The following ASPG variants were observed in gnomAD, a reference collection of about 807,000 sequenced individuals.
ASPG encodes 60 kDa lysophospholipase.
In ASPG, 53 loss-of-function variants were observed where a neutral mutation model predicts 63.2. That is an observed-to-expected ratio of 0.84 (90% CI 0.67 to 1.05). The LOEUF is 1.05. Among genes scored for constraint, ASPG ranks in the 50% least tolerant of loss-of-function variants. The pLI is 0.00. For missense variants in ASPG, 741 were observed against 794.4 expected (o/e 0.93, Z 0.81); for synonymous variants, 370 against 355.0 (o/e 1.04, Z -0.48).
At chr14:104,103,765 C>A in intron 7 of ASPG, 90 bp downstream of exon 7, 1 of 1,153,946 alleles carries the variant, frequency 8.7e-7, no homozygotes, top group Non-Finnish European at 1.2e-6. Flanking sequence ...GGGGCCCTCA[C>A]CAGCCAGTGC....
intron 5 of ASPG, among the ~76,000 whole-genome samples, 180 bp from the exon 6 acceptor site, chr14:104,098,673 A>G (rs1257832257): frequency 6.6e-6 from 1 of 151,996 alleles, no homozygotes; most frequent in Non-Finnish European, 1.5e-5. Context: ...GCAGGGCAGG[A>G]AAGGGCCCGA....
intron 3 of ASPG, among the ~76,000 whole-genome samples, chr14:104,094,860 C>T (rs1263174149): frequency 6.6e-6 from 1 of 152,230 alleles, no homozygotes; most frequent in African/African-American, 2.4e-5. Flanking sequence ...GGCCTCCGCT[C>T]CTCTGCAGTT....
At chr14:104,086,069 G>A (rs962615197) in intron 1 of ASPG, among the ~76,000 whole-genome samples, 1 of 152,086 alleles carries the variant, frequency 6.6e-6, no homozygotes, top group African/African-American at 2.4e-5. Context: ...TCGCCGTCGC[G>A]GTGCTCCCGG....
In ASPG at chr14:104,098,882, T is replaced by G; in HGVS notation, c.543T>G (p.Phe181Leu). The G allele has an allele frequency of 1.2e-6, 2 of 1,613,024 alleles. No individual in the cohort carries two copies. The highest frequency in any genetic ancestry group is 1.7e-6 in the Non-Finnish European group (2 of 1,179,770). The change falls in exon 6 of 16, where the codon TTT (phenylalanine) becomes TTG (leucine). Residue 181 changes from phenylalanine to leucine, a missense_variant. Transcript: ENST00000551177. ...GCCTTTTCTTCCAGAATCAGCTGTT[T>G]CGGGGCAACCGGGCAACCAAGGTAG... ...EVCLFFQNQL[F>L]RGNRATKVDA...
At position 104,112,520 on chromosome 14, in the gene ASPG, T is replaced by C; in HGVS notation, c.1702-4T>C. The C allele has an allele frequency of 6.8e-7, 1 of 1,474,670 alleles. No individual in the cohort carries two copies. Among genetic ancestry groups the C allele is most frequent in the African/African-American group, 1.4e-5 (1 of 72,154 alleles). The allele number at this position is 1,474,670 out of a possible 1,614,324, so 91.3% of individuals were successfully genotyped here. On this transcript the variant is annotated splice_polypyrimidine_tract_variant and splice_region_variant and intron_variant, in intron 15 of 15. Coordinates refer to ENST00000551177, the MANE Select transcript of ASPG (RefSeq NM_001080464.3). ...GTCCTTCTCAGGAGCCCTCATGTTT[T>C]CAGGAAGTGCTGCCTGGTGTCTAAC...
In ASPG at chr14:104,109,035, A is replaced by T; in HGVS notation, c.1434-194A>T. 1.0e-6 allele frequency: 1 copy of T among 985,190 alleles called. No individual in the cohort carries two copies. Among genetic ancestry groups the T allele is most frequent in the Non-Finnish European group, 1.2e-6 (1 of 829,858 alleles). 61.0% of individuals were successfully genotyped at this position (985,190 alleles called of 1,614,324 possible). ...GTACTGGACAAATGGAGGTGGTGGG[A>T]TCCCGGGATGATGTCACATGGGCCT... On this transcript the variant is annotated intron_variant, in intron 12 of 15. Coordinates refer to ENST00000551177, the MANE Select transcript of ASPG (RefSeq NM_001080464.3). This position sits in a 1 kb window ranked among gnomAD's most constrained non-coding sequence, Gnocchi z 4.8.
chr14:104,085,878 A>T, intron 1 of ASPG, 26 bp downstream of exon 1: 1 of 1,567,672 alleles, frequency 6.4e-7, no homozygotes, highest in Non-Finnish European at 8.6e-7. Flanking sequence ...TGGGCGGGGT[A>T]GGCCTCTGGA....
rs748461343 is a variant in ASPG at position 104,107,239 on chromosome 14, C to G, written c.1327C>G (p.Arg443Gly). ...NGQTPLHAAA[R>G]GGHTEAVTML... ...CCAAACCCCACTGCACGCGGCCGCC[C>G]GGGGAGGCCACACAGAGGCAGTCAC... Residue 443 changes from arginine to glycine, a missense_variant, in exon 12 of 16, where the codon CGG becomes GGG. Coordinates refer to ENST00000551177, the MANE Select transcript of ASPG (RefSeq NM_001080464.3). 2 of 1,606,824 alleles carry G rather than the reference C, an allele frequency of 1.2e-6. No individual in the cohort carries two copies. Among genetic ancestry groups the G allele is most frequent in the South Asian group, 2.2e-5 (2 of 90,462 alleles).
chr14:104,110,264 G>A lies in ASPG; in HGVS notation c.1520+949G>A. On this transcript the variant is annotated intron_variant, in intron 13 of 15. Coordinates refer to ENST00000551177, the MANE Select transcript of ASPG (RefSeq NM_001080464.3). The surrounding 1 kb of genome is among the most constrained non-coding windows in gnomAD (Gnocchi z 4.7). ...GTGATGGCGGGGGCTCGGCTCACTG[G>A]CTGGGAGGGGGTGGGTGCAGGCGCC... 2.0e-6 allele frequency: 2 copies of A among 985,030 alleles called. No individual in the cohort carries two copies. Among genetic ancestry groups the A allele is most frequent in the Non-Finnish European group, 2.4e-6 (2 of 829,730 alleles). 61.0% of individuals were successfully genotyped at this position (985,030 alleles called of 1,614,324 possible). A position where few individuals can be genotyped will look rare whatever the true frequency, so the allele number is the denominator to read the frequency against.
intron 1 of ASPG, 49 bp downstream of exon 1, chr14:104,085,901 C>T: frequency 6.6e-7 from 1 of 1,512,910 alleles, no homozygotes; most frequent in Non-Finnish European, 8.8e-7. Context: ...TGGCCGCGAC[C>T]GGGAGCCTCG....
rs1027372789 is a variant in ASPG, at chr14:104,092,677, C to T, written c.127C>T (p.Pro43Ser). Residue 43 changes from proline to serine, a missense_variant, in exon 2 of 16, where the codon CCC becomes TCC. By Grantham distance (74) the Pro-to-Ser change is moderately conservative (BLOSUM62 -1). Transcript: ENST00000551177. ...TGLAAILRTL[P>S]MFHDEEHARA... ...CCTGGCTGCCATCCTGAGGACACTG[C>T]CCATGTTCCATGACGAGGAGCACGC... The T allele has an allele frequency of 3.3e-6, 5 of 1,537,914 alleles. No homozygotes were observed. The Admixed American group carries it at 7.8e-5, about 24-fold the overall frequency.
chr14:104,088,617 C>T (rs1050577858), intron 1 of ASPG, among the ~76,000 whole-genome samples: 5 of 152,326 alleles, frequency 3.3e-5, no homozygotes, highest in African/African-American at 9.6e-5. Context: ...GCTCCCTGCC[C>T]GGTGACCACA....
At position 104,112,612 on chromosome 14, in the gene ASPG, A is replaced by G. The variant is rs748930337; in HGVS notation, c.*68A>G. 5.7e-6 allele frequency: 9 copies of G among 1,586,526 alleles called. No individual in the cohort carries two copies. In the Admixed American group the frequency reaches 7.1e-5, roughly 12 times the overall value. Reference sequence around the variant, plus strand: ...ATGACCTGCTGGAGGGGTCTCAGGCATGACCCCACTGCTGGGGCTGCTTCC... The same window carrying G: ...ATGACCTGCTGGAGGGGTCTCAGGCGTGACCCCACTGCTGGGGCTGCTTCC... On this transcript the variant is annotated 3_prime_UTR_variant, in exon 16 of 16. Coordinates refer to ENST00000551177, the MANE Select transcript of ASPG (RefSeq NM_001080464.3).
chr14:104,100,407 G>A (rs759083842), intron 6 of ASPG, among the ~76,000 whole-genome samples: 1 of 152,158 alleles, frequency 6.6e-6, no homozygotes, highest in Non-Finnish European at 1.5e-5. Context: ...TGACTTGCTT[G>A]TTGCCCCAGG....
Position 104,106,813 on chromosome 14 carries a change from G to T in ASPG, c.1188G>T (p.Leu396=). The T allele has an allele frequency of 6.3e-7, 1 of 1,598,986 alleles. No individual in the cohort carries two copies. Among genetic ancestry groups the T allele is most frequent in the Non-Finnish European group, 8.5e-7 (1 of 1,174,330 alleles). The part of the protein sequence containing the change: ...SLSGSQEADA[L]RNALVPSLAC... The stretch of plus-strand genomic sequence containing the variant: ...TCCCCACCTAGGAGGCAGATGCCCT[G>T]CGGAATGCCCTGGTGCCCAGCCTGG... Residue 396 remains leucine, a synonymous_variant, in exon 11 of 16, where the codon CTG becomes CTT. Transcript: ENST00000551177.
Position 104,095,568 on chromosome 14 carries a change from A to G in ASPG, c.341A>G (p.His114Arg). 7 of 1,613,150 alleles carry G rather than the reference A, an allele frequency of 4.3e-6. No homozygotes were observed. The highest frequency in any genetic ancestry group is 5.9e-6 in the Non-Finnish European group (7 of 1,179,820). ...YEQYHGFVVI[H>R]GTDTMAFAAS... ...CAGTACCACGGCTTTGTGGTCATCCACGGCACCGACACCATGGCCTTTGCT... is the reference window on the plus strand; with the variant it reads ...CAGTACCACGGCTTTGTGGTCATCCGCGGCACCGACACCATGGCCTTTGCT... The change falls in exon 4 of 16, where the codon CAC becomes CGC. Residue 114 changes from histidine (H) to arginine (R), a missense_variant. Physicochemically the swap from His to Arg is conservative, Grantham distance 29. Coordinates refer to ENST00000551177, the MANE Select transcript of ASPG (RefSeq NM_001080464.3).
Position 104,095,579 on chromosome 14 carries a change from A to G in ASPG, c.352A>G (p.Thr118Ala). 1 of 1,613,226 alleles carries G rather than the reference A, an allele frequency of 6.2e-7. No individual in the cohort carries two copies. The change falls in exon 4 of 16, where the codon ACC (threonine) becomes GCC (alanine). Residue 118 changes from threonine to alanine, a missense_variant. Thr to Ala is a moderately conservative substitution (Grantham distance 58). Coordinates refer to ENST00000551177, the MANE Select transcript of ASPG (RefSeq NM_001080464.3). The part of the protein sequence containing the change: ...HGFVVIHGTD[T>A]MAFAASMLSF... ...CTTTGTGGTCATCCACGGCACCGAC[A>G]CCATGGCCTTTGCTGCCTCGATGCT...
chr14:104,097,409 G>A (rs1055889811), intron 4 of ASPG, 145 bp from the exon 5 acceptor site: 6 of 721,462 alleles, frequency 8.3e-6, no homozygotes, highest in Non-Finnish European at 1.3e-5. Context: ...GCTGCCTGCT[G>A]CAGTCCAAGC....
chr14:104,104,115 G>T (rs374650626), intron 7 of ASPG, among the ~76,000 whole-genome samples, 189 bp from the exon 8 acceptor site: 8 of 152,224 alleles, frequency 5.3e-5, no homozygotes, highest in African/African-American at 1.7e-4. Flanking sequence ...GGGAGAATGT[G>T]GGGGGAGCAG....
Sources: gnomAD v4.1 joint callset for allele counts (sites outside exome capture counted in the v4.1 genomes callset) on GRCh38, gnomAD v4.1.1 for gene constraint, Gnocchi (gnomAD v3.1) non-coding constraint, MANE v1.5 for transcripts, NCBI Gene and HGNC (gene_info 2026-07-23, HGNC 2026-07-21) for gene names.